Variants in SP140L observed in about 807,000 individuals in gnomAD.
SP140L encodes nuclear body protein SP140-like protein.
A neutral mutation model predicts 84.3 loss-of-function variants in SP140L; 64 were observed. That is an observed-to-expected ratio of 0.76 (90% confidence interval 0.62 to 0.94). SP140L has a LOEUF of 0.94. Among genes scored for constraint, SP140L ranks in the 40% least tolerant of loss-of-function variants. SP140L has a pLI of 0.00. For synonymous variants in SP140L, 242 were observed against 236.9 expected, an observed-to-expected ratio of 1.02 and a Z score of -0.20; for missense variants, 628 against 692.5, an observed-to-expected ratio of 0.91 and a Z score of 1.05.
At chr2:230,382,892 G>C (rs898650396) in intron 7 of SP140L, among the ~76,000 whole-genome samples, 1 of 152,192 alleles carries the variant, frequency 6.6e-6, no homozygotes, top group African/African-American at 2.4e-5. Context: ...TTCTGATAAA[G>C]GGCACATCAG....
chr2:230,394,021 T>TA (rs2061941711), intron 13 of SP140L, among the ~76,000 whole-genome samples: 1 of 152,234 alleles, frequency 6.6e-6, no homozygotes, highest in African/African-American at 2.4e-5. Context: ...TACACACAGA[T>TA]ACACAGAATT....
At chr2:230,362,086 G>C (rs747449076) in intron 5 of SP140L, among the ~76,000 whole-genome samples, 2 of 152,130 alleles carry the variant, frequency 1.3e-5, no homozygotes, top group Admixed American at 1.3e-4. Flanking sequence ...GGGAAGAAAA[G>C]CTCCTGTTTT....
At chr2:230,393,084 A>G (rs1212252769) in intron 12 of SP140L, among the ~76,000 whole-genome samples, 2 of 152,168 alleles carry the variant, frequency 1.3e-5, no homozygotes, top group Non-Finnish European at 2.9e-5. Context: ...CTGCTTGGAT[A>G]GCTCTGGTGT....
intron 5 of SP140L, among the ~76,000 whole-genome samples, chr2:230,369,451 G>A (rs2060986226): frequency 6.6e-6 from 1 of 152,248 alleles, no homozygotes; most frequent in South Asian, 2.1e-4. Context: ...TTCAGCCTGG[G>A]TTCAGTGTGA....
chr2:230,402,981 C>A lies in SP140L; in HGVS notation c.*85C>A. The A allele has an allele frequency of 9.2e-7, 1 of 1,091,410 alleles. No individual in the cohort carries two copies. Among genetic ancestry groups the A allele is most frequent in the Non-Finnish European group, 1.3e-6 (1 of 746,636 alleles). 67.6% of individuals were successfully genotyped at this position (1,091,410 alleles called of 1,614,324 possible). ...AACTGAGAGCACTTGGGAAATAGCACATGCAGGGAGAGGCTTTTCTCTGAG... is the reference window on the plus strand; with the variant it reads ...AACTGAGAGCACTTGGGAAATAGCAAATGCAGGGAGAGGCTTTTCTCTGAG... On this transcript the variant is annotated 3_prime_UTR_variant, in exon 19 of 19. Transcript: ENST00000415673.
intron 2 of SP140L, among the ~76,000 whole-genome samples, chr2:230,337,830 C>T (rs1165883382): frequency 2.0e-5 from 3 of 152,074 alleles, no homozygotes; most frequent in Non-Finnish European, 2.9e-5. Flanking sequence ...TTTCTGAGGG[C>T]TCTGTTCTGT....
At chr2:230,363,367 T>C (rs1320183926) in intron 5 of SP140L, among the ~76,000 whole-genome samples, 1 of 152,224 alleles carries the variant, frequency 6.6e-6, no homozygotes, top group Admixed American at 6.5e-5. Flanking sequence ...CTAACCTGTA[T>C]GTGGTGATAG....
intron 5 of SP140L, among the ~76,000 whole-genome samples, chr2:230,368,297 A>C (rs550161230): frequency 6.6e-6 from 1 of 152,160 alleles, no homozygotes; most frequent in African/African-American, 2.4e-5. Flanking sequence ...ATGTCATTTC[A>C]CGGTTTCCTG....
At chr2:230,383,225 TATC>T (rs1559448546) in intron 7 of SP140L, among the ~76,000 whole-genome samples, 1 of 152,170 alleles carries the variant, frequency 6.6e-6, no homozygotes, top group Non-Finnish European at 1.5e-5. Context: ...AAATAGCAGT[TATC>T]ATTCACTTTA....
intron 2 of SP140L, among the ~76,000 whole-genome samples, chr2:230,355,008 T>C (rs1220860825): frequency 6.6e-6 from 1 of 151,894 alleles, no homozygotes; most frequent in Non-Finnish European, 1.5e-5. Context: ...ACATCACACT[T>C]AGTGATATTG....
At chr2:230,382,215 A>C (rs2061433014) in intron 7 of SP140L, among the ~76,000 whole-genome samples, 1 of 122,722 alleles carries the variant, frequency 8.1e-6, no homozygotes, top group African/African-American at 3.1e-5. Context: ...GACAATGTCT[A>C]GAGGGTTCTA....
chr2:230,369,958 G>A (rs1039150513), intron 5 of SP140L, among the ~76,000 whole-genome samples: 5 of 151,720 alleles, frequency 3.3e-5, no homozygotes, highest in African/African-American at 1.2e-4. Flanking sequence ...ATTTTTAGTA[G>A]AGACAGAGTT....
rs891290011 is a variant in SP140L at position 230,382,192 on chromosome 2, G to A, written c.638-1318G>A. ...CCCACCCACCCCAACAAATGACTGA[G>A]AACAGGGGTAGGGACAATGTCTAGA... On this transcript the variant is annotated intron_variant, in intron 7 of 18. Coordinates refer to ENST00000415673, the MANE Select transcript of SP140L (RefSeq NM_138402.6). Among the ~76,000 whole-genome samples, 5 of 114,374 alleles carry A rather than the reference G, an allele frequency of 4.4e-5. No individual in the cohort carries two copies. The South Asian group carries it at 9.4e-4, about 22-fold the overall frequency. 75.0% of individuals were successfully genotyped at this position (114,374 alleles called of 152,430 possible).
intron 7 of SP140L, among the ~76,000 whole-genome samples, chr2:230,376,691 A>G (rs1173486124): frequency 3.9e-5 from 6 of 152,210 alleles, no homozygotes; most frequent in East Asian, 1.9e-4. Flanking sequence ...CAAAATTTCA[A>G]TGACATTTTT....
intron 5 of SP140L, among the ~76,000 whole-genome samples, chr2:230,362,947 C>T (rs1425694275): frequency 6.6e-6 from 1 of 151,650 alleles, no homozygotes; most frequent in East Asian, 1.9e-4. Flanking sequence ...ACAGAATCCT[C>T]ATAGAAAGAC....
chr2:230,362,325 T>G (rs529228859), intron 5 of SP140L, among the ~76,000 whole-genome samples: 1 of 152,332 alleles, frequency 6.6e-6, no homozygotes, highest in African/African-American at 2.4e-5. Flanking sequence ...TTTTAGGAGC[T>G]CTGGCCAGGA....
chr2:230,387,459 G>T (rs978980927), intron 9 of SP140L, among the ~76,000 whole-genome samples: 1 of 152,134 alleles, frequency 6.6e-6, no homozygotes, highest in African/African-American at 2.4e-5. Flanking sequence ...CCAGAAAGTG[G>T]AATTATATTA....
At chr2:230,386,186 A>G (rs73112328) in intron 9 of SP140L, among the ~76,000 whole-genome samples, 3,912 of 152,254 alleles carry the variant, frequency 0.026, 182 homozygotes, top group African/African-American at 0.089. Flanking sequence ...AACTCTTTCT[A>G]TGGTCCCATA....
In SP140L at chr2:230,403,644, G is replaced by A. The variant is rs1474391506; in HGVS notation, c.*748G>A. The A allele has an allele frequency of 6.6e-6, 1 of 152,242 alleles. No homozygotes were observed. Among genetic ancestry groups the A allele is most frequent in the Non-Finnish European group, 1.5e-5 (1 of 68,056 alleles). The allele number at this position is 152,242 out of a possible 1,614,324, so 9.4% of individuals were successfully genotyped here. On this transcript the variant is annotated 3_prime_UTR_variant, in exon 19 of 19. Transcript: ENST00000415673. ...TTCGATAGCTCACGATGGTGTATGA[G>A]TGTCAATCATCTGACCCTTCTTGGA...
Sources: gnomAD v4.1 joint callset for allele counts (sites outside exome capture counted in the v4.1 genomes callset) on GRCh38, gnomAD v4.1.1 for gene constraint, MANE v1.5 for transcripts, NCBI Gene and HGNC (gene_info 2026-07-23, HGNC 2026-07-21) for gene names.